FRYL: variants seen among roughly 807,000 people sequenced by gnomAD.
FRYL encodes the protein FRY like transcription coactivator, also known as protein furry homolog-like.
Under a neutral mutation model 351.2 loss-of-function variants are expected in FRYL, and 150 were observed. The observed-to-expected ratio is 0.43, with a 90% CI of 0.37 to 0.49. FRYL has a LOEUF of 0.49. Among genes scored for constraint, FRYL ranks in the 20% least tolerant of loss-of-function variants. FRYL has a pLI of 0.00. For missense variants in FRYL, 3,036 were observed against 3,619.3 expected, an observed-to-expected ratio of 0.84 and a Z score of 4.13; for synonymous variants, 1,153 against 1,257.1, an observed-to-expected ratio of 0.92 and a Z score of 1.75.
intron 1 of FRYL, among the ~76,000 whole-genome samples, chr4:48,760,375 A>G (rs1257060139): frequency 1.3e-5 from 2 of 152,320 alleles, no homozygotes; most frequent in South Asian, 2.1e-4. Context: ...CACTGATTTT[A>G]TAATCCTGTG....
intron 1 of FRYL, among the ~76,000 whole-genome samples, chr4:48,726,660 C>A (rs1359236944): frequency 6.6e-6 from 1 of 152,114 alleles, no homozygotes; most frequent in Non-Finnish European, 1.5e-5. Flanking sequence ...CCAGTCTGGG[C>A]GACAGAGCGA....
At position 48,634,295 on chromosome 4, in the gene FRYL, G is replaced by T; in HGVS notation, c.116C>A (p.Pro39His). ...TTATAGGTCAGCTGTACTCACCAAG[G>T]GTTCGGCCATTACAACTTCAATTTT... Reference protein sequence around the residue: ...EKKIEVVMAEPLEKLLSRSLQ... With the variant: ...EKKIEVVMAEHLEKLLSRSLQ... The change falls in exon 4 of 64, where the codon CCC becomes CAC. Residue 39 changes from proline to histidine, a missense_variant. This residue lies in a region of FRYL where 457 missense variants were observed against 566.6 expected (regional missense o/e 0.81). Coordinates refer to ENST00000358350, the MANE Select transcript of FRYL (RefSeq NM_015030.2). 3 of 1,610,272 alleles carry T rather than the reference G, an allele frequency of 1.9e-6. No individual in the cohort carries two copies. The highest frequency in any genetic ancestry group is 2.5e-6 in the Non-Finnish European group (3 of 1,176,732).
In FRYL at chr4:48,515,044, A is replaced by T. The variant is rs775209078; in HGVS notation, c.7921T>A (p.Phe2641Ile). The T allele has an allele frequency of 1.2e-6, 2 of 1,613,698 alleles. No individual in the cohort carries two copies. The highest frequency in any genetic ancestry group is 1.7e-6 in the Non-Finnish European group (2 of 1,179,750). The change falls in exon 56 of 64, where the codon TTC becomes ATC. Residue 2641 changes from phenylalanine to isoleucine, a missense_variant. This residue lies in a region of FRYL where 1,987 missense variants were observed against 2,311.7 expected (regional missense o/e 0.86). Transcript: ENST00000358350. Reference protein sequence around the residue: ...DERCEEEEADFSGLSSQDEEE... With the variant: ...DERCEEEEADISGLSSQDEEE... ...TATTCTCACCTAGACAGTCCGGAGA[A>T]ATCCGCTTCTTCTTCTTCACATCTT...
At chr4:48,582,429 T>G in intron 20 of FRYL, 68 bp downstream of exon 20, 1 of 943,422 alleles carries the variant, frequency 1.1e-6, no homozygotes, top group Non-Finnish European at 1.7e-6. Flanking sequence ...AGTAAATCTG[T>G]ATTAAAACCA....
At chr4:48,575,278 T>C (rs776711203) in intron 24 of FRYL, 37 bp from the exon 25 acceptor site, 44 of 1,600,322 alleles carry the variant, frequency 2.7e-5, no homozygotes, top group East Asian at 4.5e-5. Flanking sequence ...CAGCCACTAA[T>C]GATACTATGT....
intron 3 of FRYL, among the ~76,000 whole-genome samples, chr4:48,658,855 G>GA (rs11290262): frequency 3.5e-4 from 53 of 150,778 alleles, no homozygotes; most frequent in African/African-American, 6.8e-4. Flanking sequence ...ATATAAACAA[G>GA]AAAAAAAAAA....
chr4:48,540,608 C>G lies in FRYL; in HGVS notation c.6040G>C (p.Asp2014His), dbSNP rs1410615799. The change falls in exon 46 of 64, where the codon GAT becomes CAT. Residue 2014 changes from aspartate (D) to histidine (H), a missense_variant. Asp to His is a moderately conservative substitution (Grantham distance 81). Around this residue, in one of 7 missense-constraint regions of FRYL, gnomAD observed 1,987 missense variants for 2,311.7 expected, o/e 0.86. Transcript: ENST00000358350. Reference sequence around the variant, plus strand: ...GCCAGGAGGTATTCATATTCATAATCTGATTCTAATAAAGATGCTGCTATC... The same window carrying G: ...GCCAGGAGGTATTCATATTCATAATGTGATTCTAATAAAGATGCTGCTATC... ...FWIAASLLESDYEYEYLLALR... is the reference protein window; with the variant it reads ...FWIAASLLESHYEYEYLLALR... 1 of 1,613,956 alleles carries G rather than the reference C, an allele frequency of 6.2e-7. No individual in the cohort carries two copies. The highest frequency in any genetic ancestry group is 1.7e-5 in the Admixed American group (1 of 59,976).
At chr4:48,548,013 A>T (rs750343650) in intron 40 of FRYL, among the ~76,000 whole-genome samples, 68 of 152,272 alleles carry the variant, frequency 4.5e-4, no homozygotes, top group Non-Finnish European at 9.0e-4. Context: ...GATCTCTTAA[A>T]AATTATTTCT....
intron 35 of FRYL, among the ~76,000 whole-genome samples, chr4:48,555,360 T>G (rs1000756274): frequency 1.3e-5 from 2 of 152,220 alleles, no homozygotes; most frequent in Non-Finnish European, 2.9e-5. Context: ...TACTGGTTGA[T>G]GCAAAATTAA....
intron 42 of FRYL, 85 bp from the exon 43 acceptor site, chr4:48,544,989 A>C: frequency 2.2e-6 from 3 of 1,361,628 alleles, no homozygotes; most frequent in Non-Finnish European, 3.0e-6. Flanking sequence ...TTACACCTTT[A>C]CAATTAGAAA....
At chr4:48,702,404 C>G (rs1336278877) in intron 2 of FRYL, among the ~76,000 whole-genome samples, 1 of 122,158 alleles carries the variant, frequency 8.2e-6, no homozygotes, top group Non-Finnish European at 1.6e-5. Context: ...TGCAGTGAGT[C>G]GAGAATGTGC....
intron 54 of FRYL, among the ~76,000 whole-genome samples, chr4:48,522,363 A>T (rs1010117715): frequency 2.1e-4 from 32 of 152,152 alleles, no homozygotes; most frequent in African/African-American, 7.2e-4. Flanking sequence ...CTTCCTTATC[A>T]CATGTACCAG....
intron 2 of FRYL, among the ~76,000 whole-genome samples, chr4:48,704,668 G>T (rs1767118415): frequency 6.6e-6 from 1 of 152,012 alleles, no homozygotes; most frequent in African/African-American, 2.4e-5. Flanking sequence ...CAAAAAACAG[G>T]CTGGGTGCAG....
intron 1 of FRYL, among the ~76,000 whole-genome samples, chr4:48,747,168 C>CCT (rs924246481): frequency 4.6e-5 from 7 of 150,848 alleles, no homozygotes; most frequent in Non-Finnish European, 1.0e-4. Context: ...CCTATCCCCC[C>CCT]CCAAAAAAAG....
chr4:48,548,189 G>GGA (rs1234898784), intron 40 of FRYL, among the ~76,000 whole-genome samples: 1 of 152,086 alleles, frequency 6.6e-6, no homozygotes, highest in Non-Finnish European at 1.5e-5. Context: ...ATGGCTATCT[G>GGA]GACTTGCTTC....
intron 15 of FRYL, 91 bp downstream of exon 15, chr4:48,595,499 T>C (rs1013553022): frequency 1.1e-5 from 7 of 629,524 alleles, no homozygotes; most frequent in Admixed American, 6.7e-5. Context: ...ACTATGTTTT[T>C]AGATGCATAA....
At chr4:48,734,828 G>A (rs1771130715) in intron 1 of FRYL, among the ~76,000 whole-genome samples, 1 of 152,046 alleles carries the variant, frequency 6.6e-6, no homozygotes, top group Non-Finnish European at 1.5e-5. Flanking sequence ...TTTTTCTCAG[G>A]TTTGTCAAAG....
rs758185731 is a variant in FRYL at position 48,499,210 on chromosome 4, G to A, written c.*212C>T. ...AGTAATTAAAAAATTCCTTCTTCAC[G>A]CAGTTATTGTGGGAGATATTGGCAG... is the stretch of plus-strand genomic sequence containing the variant. On this transcript the variant is annotated 3_prime_UTR_variant, in exon 64 of 64. Transcript: ENST00000358350. 4 of 511,248 alleles carry A rather than the reference G, an allele frequency of 7.8e-6. No homozygotes were observed. The highest frequency in any genetic ancestry group is 3.8e-5 in the African/African-American group (2 of 51,952). The allele number at this position is 511,248 out of a possible 1,614,324, so 31.7% of individuals were successfully genotyped here. A position where few individuals can be genotyped will look rare whatever the true frequency, so the allele number is the denominator to read the frequency against.
intron 3 of FRYL, among the ~76,000 whole-genome samples, chr4:48,677,646 G>A (rs1422932804): frequency 6.6e-6 from 1 of 152,066 alleles, no homozygotes; most frequent in Non-Finnish European, 1.5e-5. Context: ...CCTGACCTCA[G>A]GTGATCCGCC....
Sources: allele counts gnomAD v4.1 joint callset (sites outside exome capture counted in the v4.1 genomes callset), GRCh38; gene constraint gnomAD v4.1.1; regional missense constraint gnomAD v4.1.1; transcripts MANE v1.5; gene names NCBI Gene and HGNC (gene_info 2026-07-23, HGNC 2026-07-21).